BZW2: variants seen among roughly 807,000 people sequenced by gnomAD.
The protein encoded by BZW2 is basic leucine zipper and W2 domains 2.
Under a neutral mutation model 53.2 loss-of-function variants are expected in BZW2, and 23 were observed. The observed-to-expected ratio is 0.43, with a 90% confidence interval of 0.31 to 0.61. The LOEUF is 0.61. BZW2 is among the 20% of genes least tolerant of loss of function. The probability of loss-of-function intolerance (pLI) is 0.09; values close to 1 mark genes in which losing one functional copy is unlikely to be tolerated. For missense variants in BZW2, 409 were observed against 503.1 expected (o/e 0.81, Z 1.79); for synonymous variants, 227 against 186.4 (o/e 1.22, Z -1.77).
At chr7:16,700,550 G>A (rs1783633826) in intron 10 of BZW2, among the ~76,000 whole-genome samples, 1 of 152,162 alleles carries the variant, frequency 6.6e-6, no homozygotes. Flanking sequence ...ATAAAACACA[G>A]CTCCCCCAGA....
intron 2 of BZW2, among the ~76,000 whole-genome samples, chr7:16,674,139 A>G (rs148993394): frequency 1.7e-4 from 26 of 152,308 alleles, no homozygotes; most frequent in African/African-American, 6.3e-4. Flanking sequence ...ACCTCTGGTG[A>G]TCCACCTGCC....
At chr7:16,672,104 G>C (rs907513767) in intron 2 of BZW2, among the ~76,000 whole-genome samples, 2 of 151,920 alleles carry the variant, frequency 1.3e-5, no homozygotes, top group Non-Finnish European at 2.9e-5. Context: ...TCAGATAATT[G>C]CTTTGTTCCC....
At chr7:16,676,081 G>T (rs554942962) in intron 3 of BZW2, among the ~76,000 whole-genome samples, 1 of 151,988 alleles carries the variant, frequency 6.6e-6, no homozygotes, top group East Asian at 1.9e-4. Flanking sequence ...ATTCTCTCTC[G>T]AAAAGAAAAA....
Position 16,694,914 on chromosome 7 carries a change from C to T in BZW2, c.732C>T (p.Asp244=), listed in dbSNP as rs765564580. The change falls in exon 8 of 12, where the codon GAC becomes GAT. Residue 244 remains aspartate, a synonymous_variant. Transcript: ENST00000258761. ...ACGCAGGTCTTAAGGAGCTTTCCGA[C>T]TTCCTCCGAGTCCAGCAGTCCCTGG... ...FTDAGLKELS[D]FLRVQQSLGT... The T allele has an allele frequency of 5.8e-5, 93 of 1,597,260 alleles. No individual in the cohort carries two copies. Among genetic ancestry groups the T allele is most frequent in the Non-Finnish European group, 7.8e-5 (91 of 1,166,886 alleles).
At chr7:16,701,456 A>G (rs540590762) in intron 10 of BZW2, among the ~76,000 whole-genome samples, 3 of 152,264 alleles carry the variant, frequency 2.0e-5, no homozygotes, top group Non-Finnish European at 4.4e-5. Context: ...AAAAAGGGTG[A>G]GTGCCCTTCT....
rs183797779 is a variant in BZW2 at position 16,701,491 on chromosome 7, G to A, written c.1109-3056G>A. Among the ~76,000 whole-genome samples, 15 of 152,096 alleles carry A rather than the reference G, an allele frequency of 9.9e-5. No individual in the cohort carries two copies. The East Asian group carries it at 2.9e-3, about 29-fold the overall frequency. ...TCAGCATATATTCCCAGCATTCTTA[G>A]GGTAAATTATTTTTGACTTGTGTCC... On this transcript the variant is annotated intron_variant, in intron 10 of 11. Coordinates refer to ENST00000258761, the MANE Select transcript of BZW2 (RefSeq NM_014038.3).
chr7:16,678,222 A>C (rs1232959415), intron 3 of BZW2, among the ~76,000 whole-genome samples: 4 of 150,514 alleles, frequency 2.7e-5, no homozygotes, highest in African/African-American at 9.8e-5. Flanking sequence ...ACACCCAGCT[A>C]ATTTTGTAAT....
intron 3 of BZW2, among the ~76,000 whole-genome samples, chr7:16,679,733 T>C (rs1272161494): frequency 6.6e-6 from 1 of 152,220 alleles, no homozygotes; most frequent in African/African-American, 2.4e-5. Context: ...CAGCTTTGAC[T>C]ATTATTGTAT....
At chr7:16,675,020 A>G (rs1053985432) in intron 3 of BZW2, among the ~76,000 whole-genome samples, 2 of 151,148 alleles carry the variant, frequency 1.3e-5, no homozygotes, top group Admixed American at 1.3e-4. Flanking sequence ...TTTTTGAAAA[A>G]TCATTTAAAT....
At chr7:16,672,270 C>G (rs1782625054) in intron 2 of BZW2, among the ~76,000 whole-genome samples, 2 of 152,110 alleles carry the variant, frequency 1.3e-5, no homozygotes, top group Admixed American at 1.3e-4. Context: ...TTTGTTTTCT[C>G]ATTCTGTCTA....
chr7:16,673,102 A>C (rs1158881035), intron 2 of BZW2, among the ~76,000 whole-genome samples: 1 of 151,756 alleles, frequency 6.6e-6, no homozygotes, highest in African/African-American at 2.4e-5. Flanking sequence ...GCCCGCCACC[A>C]CCCCTGGCTA....
At position 16,675,484 on chromosome 7, in the gene BZW2, A is replaced by G. The variant is rs188763260; in HGVS notation, c.235+896A>G. 3.0e-4 allele frequency among the ~76,000 whole-genome samples: 45 copies of G among 152,314 alleles called. No individual in the cohort carries two copies. The East Asian group carries it at 8.1e-3, about 27-fold the overall frequency. ...TAAGCCAGCCTACCTTGGCTTTGAA[A>G]AAGAATGTGCATACATTCCTCCATC... On this transcript the variant is annotated intron_variant, in intron 3 of 11. Coordinates refer to ENST00000258761, the MANE Select transcript of BZW2 (RefSeq NM_014038.3).
rs1353511246 is a variant in BZW2, at chr7:16,684,002, C to T, written c.405+1157C>T. ...CAGCCGTCATGAATTTATAAGAATCCATTAGCATGGATATATAAAGCTATA... is the reference window on the plus strand; with the variant it reads ...CAGCCGTCATGAATTTATAAGAATCTATTAGCATGGATATATAAAGCTATA... On this transcript the variant is annotated intron_variant, in intron 5 of 11. Coordinates refer to ENST00000258761, the MANE Select transcript of BZW2 (RefSeq NM_014038.3). 2.0e-5 allele frequency among the ~76,000 whole-genome samples: 3 copies of T among 152,104 alleles called. No homozygotes were observed. The South Asian group carries it at 6.2e-4, about 32-fold the overall frequency.
intron 3 of BZW2, among the ~76,000 whole-genome samples, chr7:16,677,041 G>T (rs143576826): frequency 1.8e-3 from 259 of 147,118 alleles, no homozygotes; most frequent in African/African-American, 6.1e-3. Flanking sequence ...TATCTCTGTA[G>T]CCCAGATTTC....
At position 16,682,833 on chromosome 7, in the gene BZW2, T is replaced by C. The variant is rs552114788; in HGVS notation, c.393T>C (p.Asp131=). 169 of 1,574,882 alleles carry C rather than the reference T, an allele frequency of 1.1e-4. No homozygotes were observed. Among genetic ancestry groups the C allele is most frequent in the Non-Finnish European group, 1.4e-4 (163 of 1,152,162 alleles). The change falls in exon 5 of 12, where the codon GAT becomes GAC. Residue 131 remains aspartate (D), a synonymous_variant. Transcript: ENST00000258761. ...AGTATTTGGAGAAGGCATTTGAAGA[T>C]GAAATGAAAAAGGTAAAAATTCAAA... ...RYKYLEKAFE[D]EMKKLLLFLK...
chr7:16,673,527 A>AT (rs756861226), intron 2 of BZW2, among the ~76,000 whole-genome samples: 5 of 151,480 alleles, frequency 3.3e-5, no homozygotes, highest in South Asian at 2.1e-4. Flanking sequence ...CTTCTCACTA[A>AT]TTTTTTTTTG....
chr7:16,693,229 C>T (rs1783371825), intron 7 of BZW2, among the ~76,000 whole-genome samples: 1 of 152,058 alleles, frequency 6.6e-6, no homozygotes, highest in South Asian at 2.1e-4. Flanking sequence ...AGATTTGTAC[C>T]ACGGTATGGT....
intron 1 of BZW2, among the ~76,000 whole-genome samples, chr7:16,657,846 C>T (rs1213237535): frequency 1.3e-5 from 2 of 152,182 alleles, no homozygotes; most frequent in African/African-American, 4.8e-5. Flanking sequence ...TTCCTCTCTA[C>T]AGTAGGGTTT....
chr7:16,658,731 C>T (rs184965886), intron 1 of BZW2, among the ~76,000 whole-genome samples: 38 of 151,890 alleles, frequency 2.5e-4, no homozygotes, highest in Non-Finnish European at 8.8e-5. Flanking sequence ...AAAAATTAGC[C>T]GGGCATGGTG....
Sources: allele counts gnomAD v4.1 joint callset (sites outside exome capture counted in the v4.1 genomes callset), GRCh38; gene constraint gnomAD v4.1.1; transcripts MANE v1.5; gene names NCBI Gene and HGNC (gene_info 2026-07-23, HGNC 2026-07-21).